PCDHGA1: variants seen among roughly 807,000 people sequenced by gnomAD.
PCDHGA1 encodes protocadherin gamma subfamily A, 1.
A neutral mutation model predicts 58.0 loss-of-function variants in PCDHGA1; 32 were observed. The observed-to-expected ratio is 0.55, with a 90% CI of 0.42 to 0.74. PCDHGA1 has a LOEUF of 0.74. Among genes scored for constraint, PCDHGA1 ranks in the 30% least tolerant of loss-of-function variants. PCDHGA1 has a pLI of 0.00. For missense variants in PCDHGA1, 1,205 were observed against 1,182.3 expected (o/e 1.02, Z -0.28); for synonymous variants, 498 against 501.1 (o/e 0.99, Z 0.08).
At chr5:141,368,431 A>G (rs376859316) in intron 1 of PCDHGA1, among the ~76,000 whole-genome samples, 2 of 152,264 alleles carry the variant, frequency 1.3e-5, no homozygotes, top group African/African-American at 4.8e-5. Flanking sequence ...TCTGACCAAA[A>G]TGTAAAATGT....
chr5:141,334,805 G>A lies in PCDHGA1; in HGVS notation c.2421+1700G>A, dbSNP rs1756534981. 6.6e-6 allele frequency among the ~76,000 whole-genome samples: 1 copy of A among 152,086 alleles called. No homozygotes were observed. The highest frequency in any genetic ancestry group is 1.5e-5 in the Non-Finnish European group (1 of 68,006). ...AGCGTCATTAAGAGACCTAGTTATGGCCTGGGACCTGAGGTCAGATAGAAA... is the reference window on the plus strand; with the variant it reads ...AGCGTCATTAAGAGACCTAGTTATGACCTGGGACCTGAGGTCAGATAGAAA... On this transcript the variant is annotated intron_variant, in intron 1 of 3. Coordinates refer to ENST00000517417, the MANE Select transcript of PCDHGA1 (RefSeq NM_018912.3). This position sits in a 1 kb window ranked among gnomAD's most constrained non-coding sequence, Gnocchi z 4.6.
intron 1 of PCDHGA1, chr5:141,370,706 G>T (rs536075571): frequency 1.2e-5 from 19 of 1,613,790 alleles, no homozygotes; most frequent in Middle Eastern, 1.6e-4. Context: ...CGTGTGTTCT[G>T]GAATTTGAAA....
At chr5:141,430,179 A>G (rs2097264770) in intron 1 of PCDHGA1, among the ~76,000 whole-genome samples, 1 of 152,158 alleles carries the variant, frequency 6.6e-6, no homozygotes, top group Admixed American at 6.5e-5. Flanking sequence ...ATTTTCCCCA[A>G]ATTATAGCTG....
chr5:141,490,142 C>T lies in PCDHGA1; in HGVS notation c.2422-4665C>T. On this transcript the variant is annotated intron_variant, in intron 1 of 3. Transcript: ENST00000517417. This position sits in a 1 kb window ranked among gnomAD's most constrained non-coding sequence, Gnocchi z 5.4. ...TTTGGCCTAGACCCTAGCAGTGGGG[C>T]AATCCATGTGTTGGGTCCCATAGAC... 2 of 1,614,220 alleles carry T rather than the reference C, an allele frequency of 1.2e-6. No individual in the cohort carries two copies. Among genetic ancestry groups the T allele is most frequent in the South Asian group, 1.1e-5 (1 of 91,088 alleles).
intron 1 of PCDHGA1, chr5:141,356,856 G>A (rs751780680): frequency 1.9e-6 from 3 of 1,614,198 alleles, no homozygotes; most frequent in East Asian, 2.2e-5. Context: ...GCCTCTTTGT[G>A]CTGGACCAGA....
At chr5:141,418,530 G>C in intron 1 of PCDHGA1, 1 of 1,613,952 alleles carries the variant, frequency 6.2e-7, no homozygotes, top group Non-Finnish European at 8.5e-7. Flanking sequence ...CCCCGAAGCG[G>C]TACTGCTCAG....
At chr5:141,398,811 C>T (rs1231007055) in intron 1 of PCDHGA1, 4 of 1,613,862 alleles carry the variant, frequency 2.5e-6, no homozygotes, top group Non-Finnish European at 3.4e-6. Context: ...CCACTGAGCT[C>T]CGGATCCAGG....
At chr5:141,438,591 CATATATATATATATATAT>C (rs946798767) in intron 1 of PCDHGA1, among the ~76,000 whole-genome samples, 2 of 75,562 alleles carry the variant, frequency 2.6e-5, no homozygotes, top group Non-Finnish European at 5.4e-5. Context: ...TACATACATA[CATATATATATATATATAT>C]ATATATATAT....
At chr5:141,376,139 G>C in intron 1 of PCDHGA1, 1 of 1,613,958 alleles carries the variant, frequency 6.2e-7, no homozygotes, top group Non-Finnish European at 8.5e-7. Flanking sequence ...CAAACCCAAC[G>C]ATTCGGACCT....
intron 1 of PCDHGA1, among the ~76,000 whole-genome samples, chr5:141,446,827 C>A (rs922071842): frequency 6.6e-6 from 1 of 152,114 alleles, no homozygotes; most frequent in Non-Finnish European, 1.5e-5. Context: ...TGGGTAGATC[C>A]TTATAAGGCT....
intron 1 of PCDHGA1, chr5:141,393,681 C>G (rs2092820491): frequency 1.2e-6 from 2 of 1,613,772 alleles, no homozygotes; most frequent in Non-Finnish European, 1.7e-6. Context: ...AAAACAAACT[C>G]CGTTATTCCA....
At chr5:141,400,007 C>T (rs907315450) in intron 1 of PCDHGA1, 30 of 1,612,624 alleles carry the variant, frequency 1.9e-5, no homozygotes, top group Non-Finnish European at 2.5e-5. Flanking sequence ...ACAGCGCGTG[C>T]CTTGGGCGAC....
chr5:141,356,044 C>T (rs185441391), intron 1 of PCDHGA1: 3 of 1,613,890 alleles, frequency 1.9e-6, no homozygotes, highest in East Asian at 4.5e-5. Flanking sequence ...GTATTCTTTC[C>T]GGAAAGTAAG....
chr5:141,505,468 G>A lies in PCDHGA1; in HGVS notation c.2556G>A (p.Leu852=). 1 of 1,614,212 alleles carries A rather than the reference G, an allele frequency of 6.2e-7. No homozygotes were observed. Among genetic ancestry groups the A allele is most frequent in the Non-Finnish European group, 8.5e-7 (1 of 1,180,020 alleles). The change falls in exon 3 of 4, where the codon TTG becomes TTA. Residue 852 remains leucine (L), a synonymous_variant. Coordinates refer to ENST00000517417, the MANE Select transcript of PCDHGA1 (RefSeq NM_018912.3). The stretch of plus-strand genomic sequence containing the variant: ...CAGAGATGCTGCAAGCCATGATCTT[G>A]GCGTCCGCCAGTGGTAAGTGGTGTC... The part of the protein sequence containing the change: ...FDTEMLQAMI[L]ASASEAADGS...
rs546494803 is a variant in PCDHGA1 at position 141,425,207 on chromosome 5, G to C, written c.2422-69600G>C. Among the ~76,000 whole-genome samples, 7 of 152,120 alleles carry C rather than the reference G, an allele frequency of 4.6e-5. No homozygotes were observed. In the East Asian group the frequency reaches 1.2e-3, roughly 25 times the overall value. ...TCCAAACTGAGAAAAATGATGTAAG[G>C]CATTGTACTTTGACTGGAATTAGTT... On this transcript the variant is annotated intron_variant, in intron 1 of 3. Transcript: ENST00000517417.
At chr5:141,343,440 A>G in intron 1 of PCDHGA1, 1 of 913,942 alleles carries the variant, frequency 1.1e-6, no homozygotes, top group East Asian at 1.2e-4. Flanking sequence ...ATAAGAATAA[A>G]CACATTATCA....
At position 141,334,929 on chromosome 5, in the gene PCDHGA1, CAG is replaced by C. The variant is rs935629043; in HGVS notation, c.2421+1827_2421+1828del. Reference sequence around the variant, plus strand: ...AAAACAAACTAAAACTAAAAACAAACAGAGCTCTTCCACTAAAAATAAATATA... The same window carrying C: ...AAAACAAACTAAAACTAAAAACAAACAGCTCTTCCACTAAAAATAAATATA... On this transcript the variant is annotated intron_variant, in intron 1 of 3. Transcript: ENST00000517417. This position sits in a 1 kb window ranked among gnomAD's most constrained non-coding sequence, Gnocchi z 4.6. 4.6e-5 allele frequency among the ~76,000 whole-genome samples: 7 copies of C among 152,158 alleles called. No individual in the cohort carries two copies. The highest frequency in any genetic ancestry group is 1.7e-4 in the African/African-American group (7 of 41,428).
intron 1 of PCDHGA1, chr5:141,408,300 T>TC: frequency 6.2e-7 from 1 of 1,613,732 alleles, no homozygotes; most frequent in South Asian, 1.1e-5. Context: ...AGTGAGCCGA[T>TC]CCGCTACTCG....
chr5:141,480,381 C>T (rs1018981416), intron 1 of PCDHGA1, among the ~76,000 whole-genome samples: 2 of 151,926 alleles, frequency 1.3e-5, no homozygotes, highest in Non-Finnish European at 2.9e-5. Context: ...CACCACTACA[C>T]TTCAACCATG....
Sources: gnomAD v4.1 joint callset for allele counts (sites outside exome capture counted in the v4.1 genomes callset) on GRCh38, gnomAD v4.1.1 for gene constraint, Gnocchi (gnomAD v3.1) non-coding constraint, MANE v1.5 for transcripts, NCBI Gene and HGNC (gene_info 2026-07-23, HGNC 2026-07-21) for gene names.